Variants in SEC11C observed in about 807,000 individuals in gnomAD.
The protein encoded by SEC11C is SEC11 homolog C, signal peptidase complex subunit, also known as signal peptidase complex catalytic subunit SEC11C.
In SEC11C, 10 loss-of-function variants were observed where a neutral mutation model predicts 21.9. The observed-to-expected ratio is 0.46, with a 90% confidence interval of 0.28 to 0.77. SEC11C has a LOEUF of 0.77. Among genes scored for constraint, SEC11C ranks in the 30% least tolerant of loss-of-function variants. The pLI, the probability that SEC11C is intolerant of heterozygous loss-of-function variation, is 0.12. For missense variants in SEC11C, 145 were observed against 244.5 expected, an observed-to-expected ratio of 0.59 and a Z score of 2.71; for synonymous variants, 83 against 85.6, an observed-to-expected ratio of 0.97 and a Z score of 0.17.
intron 1 of SEC11C, among the ~76,000 whole-genome samples, chr18:59,144,473 C>T (rs1474292634): frequency 6.6e-6 from 1 of 152,142 alleles, no homozygotes; most frequent in Non-Finnish European, 1.5e-5. Context: ...TGGCTTACGC[C>T]TATAGTCCCA....
intron 3 of SEC11C, among the ~76,000 whole-genome samples, chr18:59,153,676 G>C (rs886250676): frequency 6.6e-6 from 1 of 151,492 alleles, no homozygotes; most frequent in Admixed American, 6.6e-5. Flanking sequence ...CCAGCCTCTC[G>C]AGTAGCTGGG....
intron 1 of SEC11C, among the ~76,000 whole-genome samples, chr18:59,140,797 A>G (rs2144020789): frequency 6.6e-6 from 1 of 152,244 alleles, no homozygotes; most frequent in African/African-American, 2.4e-5. Context: ...ATTGGCCATC[A>G]TCACTGTCTT....
chr18:59,140,228 A>G (rs1478459239), intron 1 of SEC11C, among the ~76,000 whole-genome samples, 193 bp downstream of exon 1: 4 of 152,256 alleles, frequency 2.6e-5, no homozygotes, highest in African/African-American at 7.2e-5. Flanking sequence ...TGCCCTGACA[A>G]GAGCACAATT....
chr18:59,150,962 C>CT lies in SEC11C; in HGVS notation c.197+1352dup, dbSNP rs35585459. On this transcript the variant is annotated intron_variant, in intron 2 of 5. Coordinates refer to ENST00000587834, the MANE Select transcript of SEC11C (RefSeq NM_033280.4). Reference sequence around the variant, plus strand: ...AGTGTGAAATTGCTGCACTTAGGGACTTTTTTTTTTTTAAAGCATCCTTTG... The same window carrying CT: ...AGTGTGAAATTGCTGCACTTAGGGACTTTTTTTTTTTTTAAAGCATCCTTTG... 9.4e-3 allele frequency among the ~76,000 whole-genome samples: 1,367 copies of CT among 145,514 alleles called. 9 individuals are homozygous for CT. Among genetic ancestry groups the CT allele is most frequent in the Admixed American group, 0.015 (227 of 14,662 alleles).
At chr18:59,158,004 A>G (rs2069437245) in intron 5 of SEC11C, among the ~76,000 whole-genome samples, 1 of 152,104 alleles carries the variant, frequency 6.6e-6, no homozygotes, top group South Asian at 2.1e-4. Context: ...CTCTCTCTAA[A>G]TATATACACA....
At chr18:59,157,498 A>C in intron 4 of SEC11C, 110 bp from the exon 5 acceptor site, 42 of 744,600 alleles carry the variant, frequency 5.6e-5, no homozygotes, top group Non-Finnish European at 7.2e-5. Context: ...GGTCAGTGGC[A>C]TTCCCTCGTA....
intron 1 of SEC11C, 75 bp from the exon 2 acceptor site, chr18:59,149,438 C>A: frequency 2.1e-6 from 2 of 943,474 alleles, no homozygotes; most frequent in Non-Finnish European, 3.4e-6. Context: ...AGTTTGATAA[C>A]TGCATCTCCA....
chr18:59,144,726 T>TA (rs5825314), intron 1 of SEC11C, among the ~76,000 whole-genome samples: 56,028 of 98,038 alleles, frequency 0.57, 15,844 homozygotes, highest in East Asian at 0.61. Flanking sequence ...CCTTGTATCT[T>TA]AAAAAAAAAA....
At chr18:59,152,405 A>G in intron 2 of SEC11C, 131 bp from the exon 3 acceptor site, 1 of 912,964 alleles carries the variant, frequency 1.1e-6, no homozygotes, top group Non-Finnish European at 1.6e-6. Flanking sequence ...GCAGTTAAGA[A>G]GGAAGCCACA....
At chr18:59,151,655 T>G (rs1403174293) in intron 2 of SEC11C, among the ~76,000 whole-genome samples, 1 of 152,178 alleles carries the variant, frequency 6.6e-6, no homozygotes, top group East Asian at 1.9e-4. Flanking sequence ...CCCGAACTCC[T>G]GTTGGGAGGC....
intron 1 of SEC11C, among the ~76,000 whole-genome samples, chr18:59,140,437 G>A (rs1175852579): frequency 6.6e-6 from 1 of 152,262 alleles, no homozygotes; most frequent in Non-Finnish European, 1.5e-5. Flanking sequence ...GCAGGTGGAA[G>A]AGGCAGAAAG....
chr18:59,152,044 C>A (rs2069361072), intron 2 of SEC11C, among the ~76,000 whole-genome samples: 1 of 152,000 alleles, frequency 6.6e-6, no homozygotes, highest in Admixed American at 6.6e-5. Flanking sequence ...CCGGTTTTGT[C>A]CCAGCCCTCA....
intron 2 of SEC11C, among the ~76,000 whole-genome samples, chr18:59,151,331 T>C (rs889033285): frequency 1.3e-5 from 2 of 152,276 alleles, no homozygotes; most frequent in African/African-American, 4.8e-5. Context: ...TTTTTTTTTT[T>C]TTTAACACTG....
chr18:59,154,041 T>C (rs2069391139), intron 3 of SEC11C, among the ~76,000 whole-genome samples: 2 of 152,264 alleles, frequency 1.3e-5, no homozygotes, highest in Admixed American at 1.3e-4. Flanking sequence ...ACCCCACAGA[T>C]ATTGATACTT....
intron 3 of SEC11C, among the ~76,000 whole-genome samples, chr18:59,154,736 G>A (rs1045191836): frequency 2.0e-5 from 3 of 152,208 alleles, no homozygotes; most frequent in African/African-American, 7.2e-5. Context: ...TCAAGTTTAT[G>A]TCTAGAGTGA....
intron 1 of SEC11C, among the ~76,000 whole-genome samples, chr18:59,143,505 A>G (rs932549250): frequency 3.9e-5 from 6 of 152,138 alleles, no homozygotes; most frequent in Non-Finnish European, 7.3e-5. Context: ...GCCTCAAATT[A>G]CCTATTTTTA....
chr18:59,139,898 C>G lies in SEC11C; in HGVS notation c.-51C>G, dbSNP rs758240235. 1.7e-5 allele frequency: 23 copies of G among 1,369,436 alleles called. No homozygotes were observed. Among genetic ancestry groups the G allele is most frequent in the Admixed American group, 9.0e-5 (3 of 33,168 alleles). The allele number at this position is 1,369,436 out of a possible 1,614,324, so 84.8% of individuals were successfully genotyped here. On this transcript the variant is annotated 5_prime_UTR_variant, in exon 1 of 6. Coordinates refer to ENST00000587834, the MANE Select transcript of SEC11C (RefSeq NM_033280.4). ...CGGGGGCCGGCAGGTGCTCCGCAGC[C>G]GTCTGTGCCACCCAGAGCCGGCGGG...
At chr18:59,146,302 C>A (rs1181912791) in intron 1 of SEC11C, among the ~76,000 whole-genome samples, 3 of 152,208 alleles carry the variant, frequency 2.0e-5, no homozygotes, top group Non-Finnish European at 2.9e-5. Flanking sequence ...ATCCCTAATA[C>A]TGAAAGCTTT....
intron 1 of SEC11C, among the ~76,000 whole-genome samples, chr18:59,142,407 T>C (rs1359164921): frequency 2.0e-5 from 3 of 152,208 alleles, no homozygotes; most frequent in Non-Finnish European, 4.4e-5. Flanking sequence ...CTTGAAAACT[T>C]GTCTGAAAAC....
Sources: gnomAD v4.1 joint callset for allele counts (sites outside exome capture counted in the v4.1 genomes callset) on GRCh38, gnomAD v4.1.1 for gene constraint, MANE v1.5 for transcripts, NCBI Gene and HGNC (gene_info 2026-07-23, HGNC 2026-07-21) for gene names.